Variants in ITPR3 observed in about 807,000 individuals in gnomAD.
ITPR3 encodes the protein inositol 1,4,5-trisphosphate receptor type 3.
ITPR3 carries 173 observed loss-of-function variants against 293.2 expected under a neutral mutation model. The observed-to-expected ratio is 0.59, with a 90% CI of 0.52 to 0.67. ITPR3 has a LOEUF of 0.67. ITPR3 is among the 30% of genes least tolerant of loss of function. The pLI is 0.00. For synonymous variants in ITPR3, 1,295 were observed against 1,444.4 expected (o/e 0.90, Z 2.35); for missense variants, 2,796 against 3,592.1 (o/e 0.78, Z 5.66).
At position 33,686,152 on chromosome 6, in the gene ITPR3, G is replaced by T; in HGVS notation, c.5767G>T (p.Gly1923Trp). The T allele has an allele frequency of 6.2e-7, 1 of 1,614,190 alleles. No individual in the cohort carries two copies. The highest frequency in any genetic ancestry group is 8.5e-7 in the Non-Finnish European group (1 of 1,180,044). Residue 1923 changes from glycine to tryptophan, a missense_variant, in exon 42 of 58, where the codon GGG (glycine) becomes TGG (tryptophan). Gly to Trp is a radical substitution (Grantham distance 184). Around this residue, in one of 8 missense-constraint regions of ITPR3, gnomAD observed 704 missense variants for 797.5 expected, o/e 0.88. Coordinates refer to ENST00000605930, the MANE Select transcript of ITPR3 (RefSeq NM_002224.4). ...GTGCGGCAGCACCACGGGCGGCCTG[G>T]GGCTGCTGGGGCTCTACATCAATGA... is the stretch of plus-strand genomic sequence containing the variant. ...IMCGSTTGGLGLLGLYINEDN... is the reference protein window; with the variant it reads ...IMCGSTTGGLWLLGLYINEDN...
intron 1 of ITPR3, among the ~76,000 whole-genome samples, chr6:33,639,231 T>A (rs1763891282): frequency 1.3e-5 from 2 of 151,830 alleles, no homozygotes; most frequent in Non-Finnish European, 2.9e-5. Flanking sequence ...ATACAAAAAT[T>A]AGCCAGGCGT....
chr6:33,668,828 G>A (rs1764681966), intron 17 of ITPR3, 146 bp from the exon 18 acceptor site: 2 of 1,176,378 alleles, frequency 1.7e-6, no homozygotes, highest in Admixed American at 4.7e-5. Context: ...AGAAAAGAAT[G>A]AGCCACGGAC....
chr6:33,680,077 C>T lies in ITPR3; in HGVS notation c.4168C>T (p.Leu1390=). ...CTACACTGAGATCAAGTGCACCTCC[C>T]TGCTGCCGCTGGAGGACGTGGTGTC... The part of the protein sequence containing the change: ...NVYTEIKCTS[L]LPLEDVVSVV... Residue 1390 remains leucine (L), a synonymous_variant, in exon 31 of 58, where the codon CTG becomes TTG. Coordinates refer to ENST00000605930, the MANE Select transcript of ITPR3 (RefSeq NM_002224.4). 6.2e-7 allele frequency: 1 copy of T among 1,613,726 alleles called. No homozygotes were observed. Among genetic ancestry groups the T allele is most frequent in the East Asian group, 2.2e-5 (1 of 44,880 alleles).
At chr6:33,625,651 C>A (rs1243100752) in intron 1 of ITPR3, among the ~76,000 whole-genome samples, 1 of 88,822 alleles carries the variant, frequency 1.1e-5, no homozygotes, top group Non-Finnish European at 2.3e-5. Flanking sequence ...TCTGCCCACC[C>A]ATGGCTCAGC....
In ITPR3 at chr6:33,663,818, C is replaced by T. The variant is rs376708256; in HGVS notation, c.1086C>T (p.Asp362=). ...YCLVAVPHGN[D]IASLFELDPT... Reference sequence around the variant, plus strand: ...TGGTGGCTGTGCCTCATGGCAATGACATCGCCTCTCTCTTTGAGCTGGACC... The same window carrying T: ...TGGTGGCTGTGCCTCATGGCAATGATATCGCCTCTCTCTTTGAGCTGGACC... The change falls in exon 11 of 58, where the codon GAC becomes GAT. Residue 362 remains aspartate (D), a synonymous_variant. Coordinates refer to ENST00000605930, the MANE Select transcript of ITPR3 (RefSeq NM_002224.4). 3 of 1,614,150 alleles carry T rather than the reference C, an allele frequency of 1.9e-6. No homozygotes were observed. Among genetic ancestry groups the T allele is most frequent in the Non-Finnish European group, 2.5e-6 (3 of 1,180,014 alleles).
chr6:33,683,681 C>G lies in ITPR3; in HGVS notation c.4788+284C>G, dbSNP rs1765143642. ...GACCACCCCTCACTCCTGCAGCGCCCTCCTGTCTATGCAGCACATTTCTGT... is the reference window on the plus strand; with the variant it reads ...GACCACCCCTCACTCCTGCAGCGCCGTCCTGTCTATGCAGCACATTTCTGT... On this transcript the variant is annotated intron_variant, in intron 35 of 57. Transcript: ENST00000605930. The surrounding 1 kb of genome is among the most constrained non-coding windows in gnomAD (Gnocchi z 4.5). 6.6e-6 allele frequency among the ~76,000 whole-genome samples: 1 copy of G among 152,160 alleles called. No individual in the cohort carries two copies. The highest frequency in any genetic ancestry group is 2.1e-4 in the South Asian group (1 of 4,830).
At chr6:33,677,260 T>A (rs2127294686) in intron 27 of ITPR3, among the ~76,000 whole-genome samples, 171 bp downstream of exon 27, 1 of 152,386 alleles carries the variant, frequency 6.6e-6, no homozygotes, top group South Asian at 2.1e-4. Context: ...CCAGATGGAA[T>A]TATTTTAAAG....
At chr6:33,669,731 T>C (rs1433474676) in intron 18 of ITPR3, among the ~76,000 whole-genome samples, 2 of 152,216 alleles carry the variant, frequency 1.3e-5, no homozygotes, top group Non-Finnish European at 2.9e-5. Flanking sequence ...GTAGCTACTA[T>C]AGTTACTCCT....
At chr6:33,626,183 C>A (rs1262656584) in intron 1 of ITPR3, among the ~76,000 whole-genome samples, 1 of 152,226 alleles carries the variant, frequency 6.6e-6, no homozygotes, top group Non-Finnish European at 1.5e-5. Flanking sequence ...GATCCTCCCT[C>A]CTCTGCCTCC....
At chr6:33,680,716 T>A in intron 33 of ITPR3, 36 bp downstream of exon 33, 1 of 1,587,040 alleles carries the variant, frequency 6.3e-7, no homozygotes, top group South Asian at 1.1e-5. Context: ...CAGGGCCGAC[T>A]TGCCTAGCTT....
Position 33,633,641 on chromosome 6 carries a change from C to A in ITPR3, c.90-6843C>A, listed in dbSNP as rs1271922209. On this transcript the variant is annotated intron_variant, in intron 1 of 57. Coordinates refer to ENST00000605930, the MANE Select transcript of ITPR3 (RefSeq NM_002224.4). This position sits in a 1 kb window ranked among gnomAD's most constrained non-coding sequence, Gnocchi z 5.2. ...GGAGGCGCGGCGTCCTGGCAGCGGCCGGCAGTCGGAGGCAGGCCGGGGCGA... is the reference window on the plus strand; with the variant it reads ...GGAGGCGCGGCGTCCTGGCAGCGGCAGGCAGTCGGAGGCAGGCCGGGGCGA... 1.1e-4 allele frequency among the ~76,000 whole-genome samples: 16 copies of A among 151,058 alleles called. 1 individual carries two copies. The highest frequency in any genetic ancestry group is 1.5e-5 in the Non-Finnish European group (1 of 67,666).
rs1433397702 is a variant in ITPR3 at position 33,624,616 on chromosome 6, C to T, written c.89+2925C>T. ...TGCCTCCTTTCTGAACTCTGGTCCC[C>T]TCTGCTTTTCCCGAGGCTGTTGGTG... On this transcript the variant is annotated intron_variant, in intron 1 of 57. Coordinates refer to ENST00000605930, the MANE Select transcript of ITPR3 (RefSeq NM_002224.4). The surrounding 1 kb of genome is among the most constrained non-coding windows in gnomAD (Gnocchi z 4.7). 3.9e-5 allele frequency among the ~76,000 whole-genome samples: 6 copies of T among 152,282 alleles called. No homozygotes were observed. In the South Asian group the frequency reaches 1.0e-3, roughly 26 times the overall value.
chr6:33,635,798 G>A (rs1193280774), intron 1 of ITPR3, among the ~76,000 whole-genome samples: 1 of 151,914 alleles, frequency 6.6e-6, no homozygotes, highest in Non-Finnish European at 1.5e-5. Flanking sequence ...CTGGGGGATT[G>A]AGGAGCCTGG....
At position 33,683,925 on chromosome 6, in the gene ITPR3, A is replaced by G. The variant is rs1765150168; in HGVS notation, c.4789-95A>G. 7.2e-7 allele frequency: 1 copy of G among 1,389,414 alleles called. No homozygotes were observed. The highest frequency in any genetic ancestry group is 9.8e-7 in the Non-Finnish European group (1 of 1,021,756). 86.1% of individuals were successfully genotyped at this position (1,389,414 alleles called of 1,614,324 possible). A position where few individuals can be genotyped will look rare whatever the true frequency, so the allele number is the denominator to read the frequency against. ...GGGCCCCTCAGACAGAGGCAGGGCAATCTGTGGGGCTGTTTGGCGTTTGGG... is the reference window on the plus strand; with the variant it reads ...GGGCCCCTCAGACAGAGGCAGGGCAGTCTGTGGGGCTGTTTGGCGTTTGGG... On this transcript the variant is annotated intron_variant, in intron 35 of 57. Coordinates refer to ENST00000605930, the MANE Select transcript of ITPR3 (RefSeq NM_002224.4). This position sits in a 1 kb window ranked among gnomAD's most constrained non-coding sequence, Gnocchi z 4.5.
rs758610049 is a variant in ITPR3 at position 33,672,150 on chromosome 6, G to A, written c.2850G>A (p.Pro950=). 33 of 1,613,940 alleles carry A rather than the reference G, an allele frequency of 2.0e-5. No homozygotes were observed. Among genetic ancestry groups the A allele is most frequent in the Middle Eastern group, 1.6e-4 (1 of 6,084 alleles). Residue 950 remains proline, a synonymous_variant, in exon 22 of 58, where the codon CCG becomes CCA. Transcript: ENST00000605930. The surrounding 1 kb of genome is among the most constrained non-coding windows in gnomAD (Gnocchi z 5.0). Reference sequence around the variant, plus strand: ...CTGCTGGGGCCAGTGCTGCTGAGCCGCTGGACAGAAGCAAGTTTGAGGAGA... The same window carrying A: ...CTGCTGGGGCCAGTGCTGCTGAGCCACTGGACAGAAGCAAGTTTGAGGAGA... ...SLSAGASAAE[P]LDRSKFEENE...
chr6:33,650,332 G>T (rs1355365941), intron 2 of ITPR3, among the ~76,000 whole-genome samples: 1 of 152,262 alleles, frequency 6.6e-6, no homozygotes, highest in Non-Finnish European at 1.5e-5. Context: ...CTTCTGGCAT[G>T]TGTATGTGTG....
chr6:33,691,740 G>T lies in ITPR3; in HGVS notation c.7330+21G>T. 1 of 1,613,592 alleles carries T rather than the reference G, an allele frequency of 6.2e-7. No homozygotes were observed. Among genetic ancestry groups the T allele is most frequent in the Non-Finnish European group, 8.5e-7 (1 of 1,179,854 alleles). On this transcript the variant is annotated intron_variant, in intron 53 of 57. Transcript: ENST00000605930. The surrounding 1 kb of genome is among the most constrained non-coding windows in gnomAD (Gnocchi z 4.9). ...GGAAGGTGAGGGTGGTGTGTGTGCA[G>T]GAGTCTGTGTGGGGTAGGAGGAGCA...
intron 6 of ITPR3, 40 bp from the exon 7 acceptor site, chr6:33,659,426 G>T (rs1764398714): frequency 6.3e-7 from 1 of 1,576,814 alleles, no homozygotes. Context: ...TCAGTGGCTG[G>T]GGTCCACCTG....
chr6:33,682,562 C>T lies in ITPR3; in HGVS notation c.4515C>T (p.Thr1505=), dbSNP rs1333230925. The T allele has an allele frequency of 2.5e-6, 4 of 1,583,418 alleles. No homozygotes were observed. The highest frequency in any genetic ancestry group is 2.6e-6 in the Non-Finnish European group (3 of 1,164,028). Residue 1505 remains threonine (T), a synonymous_variant, in exon 34 of 58, where the codon ACC becomes ACT. Transcript: ENST00000605930. The surrounding 1 kb of genome is among the most constrained non-coding windows in gnomAD (Gnocchi z 5.4). ...TTGTGGTGCAGCTGCTGCAGTCTACCACACGCCTCCTCGAGTGTCCGTGGC... is the reference window on the plus strand; with the variant it reads ...TTGTGGTGCAGCTGCTGCAGTCTACTACACGCCTCCTCGAGTGTCCGTGGC... ...QTIVVQLLQS[T]TRLLECPWLQ...
Sources: allele counts gnomAD v4.1 joint callset (sites outside exome capture counted in the v4.1 genomes callset), GRCh38; gene constraint gnomAD v4.1.1; regional missense constraint gnomAD v4.1.1; non-coding constraint Gnocchi (gnomAD v3.1); transcripts MANE v1.5; gene names NCBI Gene and HGNC (gene_info 2026-07-23, HGNC 2026-07-21).